The following SYN3 variants were observed in gnomAD, a reference collection of about 807,000 sequenced individuals.
SYN3 encodes the protein synapsin III.
A neutral mutation model predicts 65.8 loss-of-function variants in SYN3; 35 were observed. That is an observed-to-expected ratio of 0.53 (90% CI 0.41 to 0.70). The LOEUF is 0.70. SYN3 is among the 30% of genes least tolerant of loss of function. SYN3 has a pLI of 0.00. For missense variants in SYN3, 680 were observed against 749.0 expected, an observed-to-expected ratio of 0.91 and a Z score of 1.08; for synonymous variants, 270 against 292.9, an observed-to-expected ratio of 0.92 and a Z score of 0.80.
intron 6 of SYN3, among the ~76,000 whole-genome samples, chr22:32,774,153 A>T (rs130530): frequency 0.15 from 23,081 of 152,134 alleles, 2,272 homozygotes; most frequent in East Asian, 0.35. Flanking sequence ...AAAAACCATG[A>T]GGGTTTGTTA....
intron 7 of SYN3, among the ~76,000 whole-genome samples, chr22:32,593,416 G>A (rs891997557): frequency 6.6e-6 from 1 of 152,092 alleles, no homozygotes; most frequent in Non-Finnish European, 1.5e-5. Flanking sequence ...CTTTACCAGA[G>A]CTGTCCAAGA....
intron 2 of SYN3, among the ~76,000 whole-genome samples, chr22:33,000,384 T>A (rs2053022413): frequency 6.6e-6 from 1 of 152,170 alleles, no homozygotes; most frequent in Non-Finnish European, 1.5e-5. Context: ...AAAGACGGCT[T>A]TGAGACCCTC....
At chr22:32,597,217 T>A (rs1008060250) in intron 6 of SYN3, among the ~76,000 whole-genome samples, 1 of 135,538 alleles carries the variant, frequency 7.4e-6, no homozygotes, top group Non-Finnish European at 1.6e-5. Flanking sequence ...TTTTTTTTTT[T>A]TTTTTTTTTT....
At chr22:32,787,810 C>T (rs2046231307) in intron 6 of SYN3, among the ~76,000 whole-genome samples, 1 of 152,076 alleles carries the variant, frequency 6.6e-6, no homozygotes, top group Non-Finnish European at 1.5e-5. Flanking sequence ...CTGCGGCACA[C>T]CTCCCCGAGA....
At chr22:33,045,639 T>C (rs1002699991) in intron 1 of SYN3, among the ~76,000 whole-genome samples, 1 of 151,936 alleles carries the variant, frequency 6.6e-6, no homozygotes, top group African/African-American at 2.4e-5. Context: ...TTTGTTTGTA[T>C]TTTTAGTAGA....
intron 6 of SYN3, among the ~76,000 whole-genome samples, chr22:32,813,513 ACACAC>A (rs2046970620): frequency 6.7e-6 from 1 of 150,092 alleles, no homozygotes; most frequent in African/African-American, 2.5e-5. Context: ...ACACACACAC[ACACAC>A]ACACACACAC....
chr22:32,581,363 C>T (rs2058939449), intron 7 of SYN3, among the ~76,000 whole-genome samples: 1 of 152,222 alleles, frequency 6.6e-6, no homozygotes, highest in Non-Finnish European at 1.5e-5. Flanking sequence ...CCCGCCTTGG[C>T]ATCCCAAAGT....
chr22:32,553,337 A>G (rs1421531237), intron 7 of SYN3, among the ~76,000 whole-genome samples: 1 of 152,228 alleles, frequency 6.6e-6, no homozygotes, highest in African/African-American at 2.4e-5. Flanking sequence ...TTTTTAAATA[A>G]AGCTTATTAA....
intron 3 of SYN3, among the ~76,000 whole-genome samples, chr22:32,949,761 T>C (rs991945781): frequency 2.0e-5 from 3 of 152,154 alleles, no homozygotes; most frequent in African/African-American, 7.2e-5. Flanking sequence ...AAAATGGTGA[T>C]TGTAATCATC....
intron 6 of SYN3, among the ~76,000 whole-genome samples, chr22:32,739,905 G>T (rs1252172427): frequency 6.6e-6 from 1 of 152,212 alleles, no homozygotes; most frequent in East Asian, 1.9e-4. Context: ...AACAAGTGAA[G>T]AATAGTCCTG....
intron 6 of SYN3, among the ~76,000 whole-genome samples, chr22:32,766,512 A>G (rs2045632109): frequency 6.6e-6 from 1 of 152,188 alleles, no homozygotes; most frequent in Non-Finnish European, 1.5e-5. Context: ...AATGACCCAC[A>G]GTGAATGAAA....
rs992235336 is a variant in SYN3, at chr22:32,793,280, G to C, written c.711+71635C>G. On this transcript the variant is annotated intron_variant, in intron 6 of 13. Transcript: ENST00000358763. ...GAGGTACTAAGGAGTCTGATTCTTT[G>C]TTTGCTTCTGCCAATAATCTGGTGT... 2.6e-5 allele frequency among the ~76,000 whole-genome samples: 4 copies of C among 152,144 alleles called. 1 individual carries two copies. In the East Asian group the frequency reaches 7.7e-4, roughly 29 times the overall value.
chr22:32,589,663 C>T (rs2146546399), intron 7 of SYN3, among the ~76,000 whole-genome samples: 1 of 152,284 alleles, frequency 6.6e-6, no homozygotes, highest in African/African-American at 2.4e-5. Flanking sequence ...TTCCACAGGA[C>T]TGATAACACT....
chr22:32,808,426 C>T (rs1029448295), intron 6 of SYN3, among the ~76,000 whole-genome samples: 1 of 152,106 alleles, frequency 6.6e-6, no homozygotes, highest in Non-Finnish European at 1.5e-5. Context: ...GCTGGGTGGA[C>T]CCCAGCCAAG....
chr22:32,664,842 G>A (rs944367839), intron 6 of SYN3, among the ~76,000 whole-genome samples: 2 of 151,046 alleles, frequency 1.3e-5, no homozygotes, highest in East Asian at 1.9e-4. Flanking sequence ...TGCCCGCCTC[G>A]GCCTCCCAAT....
At chr22:32,647,471 G>A (rs9609610) in intron 6 of SYN3, among the ~76,000 whole-genome samples, 12,814 of 150,460 alleles carry the variant, frequency 0.085, 663 homozygotes, top group South Asian at 0.23. Flanking sequence ...TTTTGAGACA[G>A]GGTCTCACTC....
intron 6 of SYN3, among the ~76,000 whole-genome samples, chr22:32,772,997 G>A (rs1475943254): frequency 6.6e-6 from 1 of 152,200 alleles, no homozygotes; most frequent in East Asian, 1.9e-4. Flanking sequence ...GGGGCTGTAT[G>A]ATCTCCCTCG....
At chr22:32,939,871 C>T (rs920585041) in intron 3 of SYN3, among the ~76,000 whole-genome samples, 7 of 152,042 alleles carry the variant, frequency 4.6e-5, no homozygotes, top group Non-Finnish European at 1.0e-4. Flanking sequence ...GGTTATATAC[C>T]TAGAAGTGGA....
chr22:32,750,931 T>G (rs1215291656), intron 6 of SYN3, among the ~76,000 whole-genome samples: 1 of 151,672 alleles, frequency 6.6e-6, no homozygotes, highest in African/African-American at 2.4e-5. Context: ...ACTGTGAGGG[T>G]GAAGGCCCAT....
Sources: allele counts gnomAD v4.1 joint callset (sites outside exome capture counted in the v4.1 genomes callset), GRCh38; gene constraint gnomAD v4.1.1; transcripts MANE v1.5; gene names NCBI Gene and HGNC (gene_info 2026-07-23, HGNC 2026-07-21).